TRIM23: variants seen among roughly 807,000 people sequenced by gnomAD.
TRIM23 encodes E3 ubiquitin-protein ligase TRIM23.
A neutral mutation model predicts 71.0 loss-of-function variants in TRIM23; 27 were observed. The observed-to-expected ratio is 0.38, with a 90% confidence interval of 0.28 to 0.52. TRIM23 has a LOEUF of 0.52. Ranked by LOEUF, TRIM23 falls within the 20% of genes least tolerant of loss-of-function variation. The pLI is 0.84. For missense variants in TRIM23, 482 were observed against 692.3 expected (o/e 0.70, Z 3.41); for synonymous variants, 234 against 238.0 (o/e 0.98, Z 0.16).
chr5:65,613,919 ATAAT>A (rs754549570), intron 3 of TRIM23, 175 bp downstream of exon 3: 409 of 1,500,882 alleles, frequency 2.7e-4, no homozygotes, highest in Non-Finnish European at 3.3e-4. Context: ...GGATTTTCAA[ATAAT>A]TCTAGTTTTT....
In TRIM23 at chr5:65,590,499, C is replaced by T; in HGVS notation, c.*1270G>A. The T allele has an allele frequency of 8.5e-7, 1 of 1,170,400 alleles. No homozygotes were observed. The highest frequency in any genetic ancestry group is 1.1e-6 in the Non-Finnish European group (1 of 938,580). 72.5% of individuals were successfully genotyped at this position (1,170,400 alleles called of 1,614,324 possible). ...AGACATCACTGTCCTTACAACAATT[C>T]AACTAATAAGATTTAAGATTTAACT... is the stretch of plus-strand genomic sequence containing the variant. On this transcript the variant is annotated 3_prime_UTR_variant, in exon 11 of 11. Transcript: ENST00000231524.
chr5:65,601,964 G>T (rs1268038373), intron 7 of TRIM23, among the ~76,000 whole-genome samples: 1 of 151,956 alleles, frequency 6.6e-6, no homozygotes, highest in Non-Finnish European at 1.5e-5. Flanking sequence ...TTTTCCTCCT[G>T]GACCTCCAGG....
Position 65,594,510 on chromosome 5 carries a change from A to G in TRIM23, c.1545+11T>C. On this transcript the variant is annotated intron_variant, in intron 10 of 10. Transcript: ENST00000231524. ...TACTAAAATAAATATTCCAATATAA[A>G]AATGCATTACCTGTTTGTTAGCAAA... 1 of 1,595,252 alleles carries G rather than the reference A, an allele frequency of 6.3e-7. No homozygotes were observed. Among genetic ancestry groups the G allele is most frequent in the African/African-American group, 1.4e-5 (1 of 73,702 alleles).
rs191127370 is a variant in TRIM23 at position 65,597,829 on chromosome 5, T to G, written c.1180-649A>C. On this transcript the variant is annotated intron_variant, in intron 7 of 10. Coordinates refer to ENST00000231524, the MANE Select transcript of TRIM23 (RefSeq NM_001656.4). ...ACAAATAATGCTATAATGAACATTT[T>G]TATATATTACTAGCTGCATGATTTC... is the stretch of plus-strand genomic sequence containing the variant. 9.8e-4 allele frequency among the ~76,000 whole-genome samples: 150 copies of G among 152,332 alleles called. 2 individuals carry two copies. The East Asian group carries it at 0.015, about 15-fold the overall frequency.
At position 65,596,870 on chromosome 5, in the gene TRIM23, T is replaced by C. The variant is rs77366500; in HGVS notation, c.1309+181A>G. On this transcript the variant is annotated intron_variant, in intron 8 of 10. Coordinates refer to ENST00000231524, the MANE Select transcript of TRIM23 (RefSeq NM_001656.4). ...CCACCAATACTCTGTTTCTTCTTTT[T>C]ATCCCCATCCACATTTCAATCCCAT... 3.9e-5 allele frequency among the ~76,000 whole-genome samples: 6 copies of C among 152,268 alleles called. No individual in the cohort carries two copies. In the East Asian group the frequency reaches 1.2e-3, roughly 29 times the overall value.
rs149026750 is a variant in TRIM23 at position 65,624,252 on chromosome 5, T to C, written c.23A>G (p.Lys8Arg). 977 of 1,614,070 alleles carry C rather than the reference T, an allele frequency of 6.1e-4. 1 individual carries two copies. The highest frequency in any genetic ancestry group is 7.9e-4 in the Non-Finnish European group (934 of 1,180,030). The change falls in exon 1 of 11, where the codon AAG (lysine) becomes AGG (arginine). Residue 8 changes from lysine (K) to arginine (R), a missense_variant. Lys to Arg is a conservative substitution (Grantham distance 26). Coordinates refer to ENST00000231524, the MANE Select transcript of TRIM23 (RefSeq NM_001656.4). ...GCCACTGTCTACTCCCGCTCCGAGC[T>C]TGTTTACAACCAGGGTAGCCATCCT... MATLVVN[K>R]LGAGVDSGRQ... is the part of the protein sequence containing the mutation.
intron 7 of TRIM23, among the ~76,000 whole-genome samples, chr5:65,599,387 A>G (rs986326449): frequency 1.3e-5 from 2 of 152,234 alleles, no homozygotes; most frequent in African/African-American, 4.8e-5. Flanking sequence ...GTACAGAAAA[A>G]AAAGTTTAAG....
chr5:65,601,083 A>ATTC (rs1182488773), intron 7 of TRIM23, among the ~76,000 whole-genome samples: 1 of 152,200 alleles, frequency 6.6e-6, no homozygotes, highest in African/African-American at 2.4e-5. Context: ...CAGTATGGGG[A>ATTC]TTCCTCAAAA....
chr5:65,618,250 T>C lies in TRIM23; in HGVS notation c.87A>G (p.Leu29=), dbSNP rs779672401. 6.2e-7 allele frequency: 1 copy of C among 1,608,148 alleles called. No individual in the cohort carries two copies. The highest frequency in any genetic ancestry group is 1.7e-5 in the Admixed American group (1 of 58,546). Residue 29 remains leucine (L), a synonymous_variant, in exon 2 of 11, where the codon CTA becomes CTG. Coordinates refer to ENST00000231524, the MANE Select transcript of TRIM23 (RefSeq NM_001656.4). The stretch of plus-strand genomic sequence containing the variant: ...AGACATCTTCACAAACTCCACACTC[T>C]AGCACCTAATATTTGAAAAGGAAGG... The part of the protein sequence containing the change: ...GSRGTAVVKV[L]ECGVCEDVFS...
At chr5:65,619,070 T>G (rs547711019) in intron 1 of TRIM23, among the ~76,000 whole-genome samples, 1 of 152,360 alleles carries the variant, frequency 6.6e-6, no homozygotes, top group South Asian at 2.1e-4. Context: ...CTTGCATTAA[T>G]TTTTTAAAAA....
intron 4 of TRIM23, 37 bp from the exon 5 acceptor site, chr5:65,611,080 A>G (rs779357200): frequency 6.6e-7 from 1 of 1,520,842 alleles, no homozygotes; most frequent in South Asian, 1.3e-5. Context: ...AAGAACTCAT[A>G]GTATTGACTA....
chr5:65,616,687 A>T (rs1279925399), intron 2 of TRIM23, among the ~76,000 whole-genome samples: 1 of 146,956 alleles, frequency 6.8e-6, no homozygotes, highest in Non-Finnish European at 1.5e-5. Flanking sequence ...TCTATTCTCT[A>T]TTTGAAAAAC....
chr5:65,608,956 A>C (rs1039721518), intron 6 of TRIM23, among the ~76,000 whole-genome samples: 2 of 152,120 alleles, frequency 1.3e-5, no homozygotes, highest in East Asian at 1.9e-4. Flanking sequence ...AAAAAAAAAA[A>C]AACTACATAT....
intron 1 of TRIM23, among the ~76,000 whole-genome samples, chr5:65,618,690 G>A (rs1561752430): frequency 6.6e-6 from 1 of 152,082 alleles, no homozygotes; most frequent in Admixed American, 6.6e-5. Flanking sequence ...TATGTACTGA[G>A]ATAACAATTA....
chr5:65,593,990 C>T (rs1754120733), intron 10 of TRIM23, among the ~76,000 whole-genome samples: 1 of 152,198 alleles, frequency 6.6e-6, no homozygotes. Context: ...CTAAATTTCT[C>T]AGTCTAGCAC....
At chr5:65,620,137 T>G (rs2150644075) in intron 1 of TRIM23, among the ~76,000 whole-genome samples, 1 of 152,206 alleles carries the variant, frequency 6.6e-6, no homozygotes, top group South Asian at 2.1e-4. Context: ...AATACTTTTT[T>G]CAGATTAGAT....
chr5:65,596,358 TCAG>T, intron 9 of TRIM23, 60 bp downstream of exon 9: 1 of 1,147,020 alleles, frequency 8.7e-7, no homozygotes, highest in South Asian at 1.3e-5. Flanking sequence ...GCTAGTTAAA[TCAG>T]TACACTGAAA....
chr5:65,597,320 T>A, intron 7 of TRIM23, 140 bp from the exon 8 acceptor site: 1 of 960,786 alleles, frequency 1.0e-6, no homozygotes, highest in Non-Finnish European at 1.5e-6. Flanking sequence ...CTGAGTCTGA[T>A]CTCAAGAAGA....
chr5:65,605,209 A>G (rs980699074), intron 6 of TRIM23, among the ~76,000 whole-genome samples, 164 bp from the exon 7 acceptor site: 3 of 152,238 alleles, frequency 2.0e-5, no homozygotes, highest in Non-Finnish European at 4.4e-5. Context: ...TAATTTAAGG[A>G]CTTAGCAACG....
Sources: gnomAD v4.1 joint callset for allele counts (sites outside exome capture counted in the v4.1 genomes callset) on GRCh38, gnomAD v4.1.1 for gene constraint, MANE v1.5 for transcripts, NCBI Gene and HGNC (gene_info 2026-07-23, HGNC 2026-07-21) for gene names.